The following ERGIC1 variants were observed in gnomAD, a reference collection of about 807,000 sequenced individuals.
The protein encoded by ERGIC1 is endoplasmic reticulum-golgi intermediate compartment 1.
Under a neutral mutation model 38.3 loss-of-function variants are expected in ERGIC1, and 19 were observed. The observed-to-expected ratio is 0.50, with a 90% confidence interval of 0.35 to 0.73. The LOEUF (loss-of-function observed/expected upper bound fraction) is 0.73, where lower values mean the gene tolerates loss of function less well. Among genes scored for constraint, ERGIC1 ranks in the 30% least tolerant of loss-of-function variants. The pLI is 0.01. For synonymous variants in ERGIC1, 124 were observed against 157.6 expected (o/e 0.79, Z 1.60); for missense variants, 294 against 389.2 (o/e 0.76, Z 2.06).
chr5:172,926,484 A>G lies in ERGIC1; in HGVS notation c.481-25A>G. ...TGGAGGTGGAGGTGTCCTGGGGACC[A>G]TCCCCTCACTGCATTTTTCCACAGG... On this transcript the variant is annotated intron_variant, in intron 6 of 9. Transcript: ENST00000393784. This position sits in a 1 kb window ranked among gnomAD's most constrained non-coding sequence, Gnocchi z 5.2. 6.2e-7 allele frequency: 1 copy of G among 1,613,260 alleles called. No individual in the cohort carries two copies.
intron 9 of ERGIC1, chr5:172,937,182 A>G (rs894454029): frequency 1.3e-5 from 2 of 152,228 alleles, no homozygotes; most frequent in Admixed American, 6.5e-5. Flanking sequence ...GGGAAAAGAT[A>G]CTTGCCATCC....
intron 3 of ERGIC1, among the ~76,000 whole-genome samples, chr5:172,900,251 A>T (rs1272202877): frequency 6.6e-6 from 1 of 152,168 alleles, no homozygotes; most frequent in East Asian, 1.9e-4. Context: ...CAGACAACTC[A>T]TGCAGCTTCC....
chr5:172,893,897 ATATATATATG>A (rs1386532564), intron 2 of ERGIC1, among the ~76,000 whole-genome samples: 15 of 10,768 alleles, frequency 1.4e-3, no homozygotes, highest in African/African-American at 2.5e-3. Flanking sequence ...ATATATATAT[ATATATATATG>A]TGTGTGTGTG....
At chr5:172,865,614 T>C (rs1423835838) in intron 1 of ERGIC1, among the ~76,000 whole-genome samples, 1 of 152,170 alleles carries the variant, frequency 6.6e-6, no homozygotes, top group African/African-American at 2.4e-5. Flanking sequence ...CATATGCCTC[T>C]TCCCAGCCAG....
intron 3 of ERGIC1, among the ~76,000 whole-genome samples, chr5:172,899,702 A>T (rs1003109325): frequency 7.9e-5 from 12 of 152,238 alleles, no homozygotes; most frequent in African/African-American, 2.9e-4. Context: ...CACATGGAGG[A>T]GCTGAAAACG....
At chr5:172,861,734 G>A (rs777125187) in intron 1 of ERGIC1, among the ~76,000 whole-genome samples, 55 of 152,232 alleles carry the variant, frequency 3.6e-4, no homozygotes, top group Non-Finnish European at 4.4e-4. Flanking sequence ...AAGTGTACAC[G>A]GCATAGCTCT....
intron 5 of ERGIC1, among the ~76,000 whole-genome samples, chr5:172,923,047 T>C (rs1763563531): frequency 1.3e-5 from 2 of 151,868 alleles, no homozygotes; most frequent in South Asian, 4.2e-4. Flanking sequence ...TCCAGGATCA[T>C]ACCAAGGGTT....
intron 1 of ERGIC1, among the ~76,000 whole-genome samples, chr5:172,882,235 T>C (rs183353356): frequency 4.6e-5 from 7 of 152,334 alleles, no homozygotes; most frequent in African/African-American, 1.2e-4. Context: ...CTTTGCTAGA[T>C]TGGCAGCTTC....
intron 1 of ERGIC1, among the ~76,000 whole-genome samples, chr5:172,872,328 T>G (rs969148912): frequency 3.3e-5 from 5 of 152,228 alleles, no homozygotes; most frequent in Non-Finnish European, 4.4e-5. Flanking sequence ...GTTTATACCT[T>G]GAATGGTTTT....
At chr5:172,893,480 A>G (rs1762619518) in intron 2 of ERGIC1, among the ~76,000 whole-genome samples, 1 of 152,066 alleles carries the variant, frequency 6.6e-6, no homozygotes, top group South Asian at 2.1e-4. Context: ...TCATCATTAC[A>G]GCATCCAATG....
At chr5:172,940,911 C>T (rs1003437997) in intron 9 of ERGIC1, among the ~76,000 whole-genome samples, 1 of 152,192 alleles carries the variant, frequency 6.6e-6, no homozygotes. Context: ...TACCTGTGTC[C>T]CCAGCATCCA....
At chr5:172,943,559 T>A (rs910096530) in intron 9 of ERGIC1, among the ~76,000 whole-genome samples, 1 of 152,192 alleles carries the variant, frequency 6.6e-6, no homozygotes, top group African/African-American at 2.4e-5. Context: ...GGAAAGTGAC[T>A]GAACAGTTCC....
At position 172,926,606 on chromosome 5, in the gene ERGIC1, G is replaced by A; in HGVS notation, c.541+37G>A. 1 of 1,607,592 alleles carries A rather than the reference G, an allele frequency of 6.2e-7. No homozygotes were observed. Among genetic ancestry groups the A allele is most frequent in the Non-Finnish European group, 8.5e-7 (1 of 1,179,058 alleles). Reference sequence around the variant, plus strand: ...TGCTGGGAACAGCCTTCTGCTCCAAGATGCCCAGTACAGCAGGCAGGGAGG... The same window carrying A: ...TGCTGGGAACAGCCTTCTGCTCCAAAATGCCCAGTACAGCAGGCAGGGAGG... On this transcript the variant is annotated intron_variant, in intron 7 of 9. Coordinates refer to ENST00000393784, the MANE Select transcript of ERGIC1 (RefSeq NM_001031711.3). The surrounding 1 kb of genome is among the most constrained non-coding windows in gnomAD (Gnocchi z 5.2).
At chr5:172,867,578 G>T (rs1382627793) in intron 1 of ERGIC1, 2 of 420,334 alleles carry the variant, frequency 4.8e-6, no homozygotes, top group South Asian at 1.7e-5. Context: ...CCACCCCCGA[G>T]TCCTAGCCGC....
chr5:172,859,834 G>A (rs1458192382), intron 1 of ERGIC1, among the ~76,000 whole-genome samples: 10 of 152,186 alleles, frequency 6.6e-5, no homozygotes, highest in South Asian at 2.1e-4. Context: ...TTGGAAGCCC[G>A]GTTTCTCTAA....
chr5:172,857,046 C>CA (rs1185278673), intron 1 of ERGIC1, among the ~76,000 whole-genome samples: 1 of 152,204 alleles, frequency 6.6e-6, no homozygotes, highest in African/African-American at 2.4e-5. Flanking sequence ...TTTTGAAAAA[C>CA]AGTGTTGGGG....
At chr5:172,851,101 T>G (rs1423759480) in intron 1 of ERGIC1, among the ~76,000 whole-genome samples, 1 of 151,262 alleles carries the variant, frequency 6.6e-6, no homozygotes, top group Admixed American at 6.6e-5. Context: ...CTCAGGAGGC[T>G]TAGGCAGGAG....
Position 172,892,504 on chromosome 5 carries a change from G to A in ERGIC1, c.82+3744G>A, listed in dbSNP as rs545261286. On this transcript the variant is annotated intron_variant, in intron 2 of 9. Transcript: ENST00000393784. ...TGGACAAATTCCTTGACCTCTCGGAGCCTTGGGTCTCAGGTCCAGTGCCCC... is the reference window on the plus strand; with the variant it reads ...TGGACAAATTCCTTGACCTCTCGGAACCTTGGGTCTCAGGTCCAGTGCCCC... Among the ~76,000 whole-genome samples, 75 of 152,286 alleles carry A rather than the reference G, an allele frequency of 4.9e-4. 1 individual carries two copies. The highest frequency in any genetic ancestry group is 1.7e-3 in the African/African-American group (72 of 41,552).
chr5:172,946,411 C>T (rs751002809), intron 9 of ERGIC1, among the ~76,000 whole-genome samples: 1 of 152,228 alleles, frequency 6.6e-6, no homozygotes, highest in Non-Finnish European at 1.5e-5. Context: ...CCTGAGATCC[C>T]GCCAGCATCT....
Sources: gnomAD v4.1 joint callset for allele counts (sites outside exome capture counted in the v4.1 genomes callset) on GRCh38, gnomAD v4.1.1 for gene constraint, Gnocchi (gnomAD v3.1) non-coding constraint, MANE v1.5 for transcripts, NCBI Gene and HGNC (gene_info 2026-07-23, HGNC 2026-07-21) for gene names.